Variants in HSD17B4 observed in about 807,000 individuals in gnomAD.
HSD17B4 encodes the protein peroxisomal multifunctional enzyme type 2.
A neutral mutation model predicts 101.0 loss-of-function variants in HSD17B4; 70 were observed. The observed-to-expected ratio is 0.69, with a 90% CI of 0.57 to 0.85. The LOEUF (loss-of-function observed/expected upper bound fraction) is 0.85. Among genes scored for constraint, HSD17B4 ranks in the 40% least tolerant of loss-of-function variants. The pLI, the probability that HSD17B4 is intolerant of heterozygous loss-of-function variation, is 0.00. For synonymous variants in HSD17B4, 347 were observed against 297.1 expected (o/e 1.17, Z -1.73); for missense variants, 984 against 892.4 (o/e 1.10, Z -1.31).
Position 119,502,101 on chromosome 5 carries a change from T to C in HSD17B4, c.1261+9T>C, listed in dbSNP as rs753184910. On this transcript the variant is annotated intron_variant, in intron 14 of 23. Coordinates refer to ENST00000510025, the MANE Select transcript of HSD17B4 (RefSeq NM_000414.4). ...ACCACTTCCCAGAGCAGGTGAGTTA[T>C]TGATATACTAATTCCATAATACCAT... 38 of 1,522,964 alleles carry C rather than the reference T, an allele frequency of 2.5e-5. 1 individual carries two copies. In the South Asian group the frequency reaches 4.3e-4, roughly 17 times the overall value. The allele number at this position is 1,522,964 out of a possible 1,614,324, so 94.3% of individuals were successfully genotyped here.
chr5:119,503,013 T>A (rs1206016398), intron 14 of HSD17B4, among the ~76,000 whole-genome samples: 1 of 151,942 alleles, frequency 6.6e-6, no homozygotes, highest in East Asian at 1.9e-4. Context: ...ATCACCCGAG[T>A]TATTACATTA....
At chr5:119,479,679 T>A (rs1748936522) in intron 8 of HSD17B4, among the ~76,000 whole-genome samples, 1 of 152,154 alleles carries the variant, frequency 6.6e-6, no homozygotes, top group South Asian at 2.1e-4. Flanking sequence ...GCTCATTTCT[T>A]TTTATTTTTC....
At chr5:119,489,710 A>G (rs943313484) in intron 9 of HSD17B4, among the ~76,000 whole-genome samples, 4 of 152,326 alleles carry the variant, frequency 2.6e-5, no homozygotes, top group Admixed American at 2.0e-4. Context: ...AACCCTTGGC[A>G]TAAGGCCTAA....
intron 2 of HSD17B4, among the ~76,000 whole-genome samples, chr5:119,468,809 CTT>C (rs797011282): frequency 6.3e-5 from 9 of 141,932 alleles, no homozygotes; most frequent in Admixed American, 1.4e-4. Context: ...TTTCTCTTTC[CTT>C]TTTTTTTTTG....
chr5:119,482,738 A>G (rs986067833), intron 8 of HSD17B4, among the ~76,000 whole-genome samples: 4 of 151,826 alleles, frequency 2.6e-5, no homozygotes, highest in Admixed American at 6.6e-5. Flanking sequence ...TAGAGTTTGT[A>G]TCTTGCAGCT....
intron 15 of HSD17B4, among the ~76,000 whole-genome samples, chr5:119,508,855 A>G (rs1751902538): frequency 6.6e-6 from 1 of 152,208 alleles, no homozygotes; most frequent in African/African-American, 2.4e-5. Context: ...AATAATTGGG[A>G]TCTGAATAGC....
In HSD17B4 at chr5:119,468,080, T is replaced by G. The variant is rs189272340; in HGVS notation, c.113-5828T>G. Among the ~76,000 whole-genome samples, 111 of 151,310 alleles carry G rather than the reference T, an allele frequency of 7.3e-4. 1 individual carries two copies. The South Asian group carries it at 0.011, about 15-fold the overall frequency. The stretch of plus-strand genomic sequence containing the variant: ...CTGTCATTTTGTTAATTGTTTTCTG[T>G]TTTTTTTTGTATGTTCTTTGTTCCT... On this transcript the variant is annotated intron_variant, in intron 2 of 23. Transcript: ENST00000510025.
intron 9 of HSD17B4, among the ~76,000 whole-genome samples, chr5:119,490,312 C>T (rs1453838243): frequency 6.6e-6 from 1 of 152,132 alleles, no homozygotes; most frequent in East Asian, 1.9e-4. Context: ...CTCAAGCCAT[C>T]TGTAATTCAG....
chr5:119,501,083 G>A (rs993496292), intron 13 of HSD17B4, among the ~76,000 whole-genome samples: 1 of 152,068 alleles, frequency 6.6e-6, no homozygotes, highest in Non-Finnish European at 1.5e-5. Context: ...GCAGTTTGCT[G>A]TTTCATTCAC....
At chr5:119,535,783 A>G (rs1754481331) in intron 22 of HSD17B4, 1 of 151,742 alleles carries the variant, frequency 6.6e-6, no homozygotes, top group Non-Finnish European at 1.5e-5. Context: ...ATACAAAGAC[A>G]AAACATGTTT....
At chr5:119,529,343 T>TG (rs1356531650) in intron 20 of HSD17B4, among the ~76,000 whole-genome samples, 20 of 152,330 alleles carry the variant, frequency 1.3e-4, no homozygotes, top group African/African-American at 3.8e-4. Context: ...GTTCATGCTG[T>TG]GTACACTTCC....
chr5:119,514,859 C>A, intron 16 of HSD17B4, 122 bp from the exon 17 acceptor site: 3 of 671,662 alleles, frequency 4.5e-6, no homozygotes, highest in Non-Finnish European at 8.2e-6. Context: ...TTTTTTAAAC[C>A]CTTTTATCCA....
intron 15 of HSD17B4, among the ~76,000 whole-genome samples, chr5:119,507,476 A>T (rs1046086413): frequency 3.5e-4 from 53 of 152,338 alleles, no homozygotes; most frequent in African/African-American, 1.2e-3. Flanking sequence ...AGGTGAAGAT[A>T]TGATGCTTAA....
At chr5:119,531,838 TAATTATC>T (rs1300722650) in intron 22 of HSD17B4, among the ~76,000 whole-genome samples, 1 of 152,140 alleles carries the variant, frequency 6.6e-6, no homozygotes, top group Non-Finnish European at 1.5e-5. Context: ...TGGATTATCT[TAATTATC>T]AATATAAAAT....
Position 119,527,153 on chromosome 5 carries a change from A to G in HSD17B4, c.1701A>G (p.Val567=). 2 of 1,603,312 alleles carry G rather than the reference A, an allele frequency of 1.2e-6. No homozygotes were observed. The highest frequency in any genetic ancestry group is 1.7e-6 in the Non-Finnish European group (2 of 1,170,664). Reference sequence around the variant, plus strand: ...TAAAGGCTCGTTTTGCAAAACCAGTATATCCAGGACAAACTCTACAAACTG... The same window carrying G: ...TAAAGGCTCGTTTTGCAAAACCAGTGTATCCAGGACAAACTCTACAAACTG... ...KAIKARFAKP[V]YPGQTLQTEM... is the part of the protein sequence containing the mutation. Residue 567 remains valine, a synonymous_variant, in exon 20 of 24, where the codon GTA becomes GTG. Coordinates refer to ENST00000510025, the MANE Select transcript of HSD17B4 (RefSeq NM_000414.4).
At chr5:119,472,904 G>T (rs761944243) in intron 2 of HSD17B4, among the ~76,000 whole-genome samples, 1 of 152,088 alleles carries the variant, frequency 6.6e-6, no homozygotes, top group Non-Finnish European at 1.5e-5. Flanking sequence ...CACTTATTTC[G>T]TTTAACATAG....
At chr5:119,494,039 A>G in intron 11 of HSD17B4, 93 bp downstream of exon 11, 5 of 1,285,966 alleles carry the variant, frequency 3.9e-6, no homozygotes, top group Admixed American at 3.4e-5. Flanking sequence ...TGTTAACTGT[A>G]GTGTTAAGAC....
At chr5:119,460,971 G>A (rs1755169758) in intron 2 of HSD17B4, among the ~76,000 whole-genome samples, 1 of 152,134 alleles carries the variant, frequency 6.6e-6, no homozygotes, top group South Asian at 2.1e-4. Context: ...GGGTTAGGAA[G>A]GGAGCCAGTG....
chr5:119,496,372 C>T (rs372252037), intron 11 of HSD17B4, among the ~76,000 whole-genome samples, 171 bp from the exon 12 acceptor site: 54 of 152,254 alleles, frequency 3.5e-4, no homozygotes, highest in African/African-American at 1.2e-3. Flanking sequence ...TTCAGTCTTT[C>T]GCAATTTTTT....
Sources: allele counts gnomAD v4.1 joint callset (sites outside exome capture counted in the v4.1 genomes callset), GRCh38; gene constraint gnomAD v4.1.1; transcripts MANE v1.5; gene names NCBI Gene and HGNC (gene_info 2026-07-23, HGNC 2026-07-21).